Variants in LINGO2 observed in about 807,000 individuals in gnomAD.
LINGO2 encodes the protein leucine rich repeat and Ig domain containing 2, also known as leucine-rich repeat and immunoglobulin-like domain-containing nogo receptor-interacting protein 2.
In LINGO2, 14 loss-of-function variants were observed where a neutral mutation model predicts 30.6. The ratio of observed to expected loss-of-function variants is 0.46; its 90% CI spans 0.30 to 0.72. The LOEUF is 0.72. LINGO2 is among the 30% of genes least tolerant of loss of function. The pLI, the probability that LINGO2 is intolerant of heterozygous loss-of-function variation, is 0.07. For missense variants in LINGO2, 729 were observed against 751.7 expected, an observed-to-expected ratio of 0.97 and a Z score of 0.35; for synonymous variants, 317 against 288.5, an observed-to-expected ratio of 1.10 and a Z score of -1.00.
the LINGO2 span, among the ~76,000 whole-genome samples, chr9:28,873,413 T>C: frequency 2.6e-5 from 4 of 151,260 alleles, no homozygotes; most frequent in African/African-American, 4.9e-5. Flanking sequence ...AAAGAAACTA[T>C]TTCTTCTAAT....
At chr9:28,406,755 C>A (rs1434514872) in intron 2 of LINGO2, among the ~76,000 whole-genome samples, 1 of 152,020 alleles carries the variant, frequency 6.6e-6, no homozygotes, top group African/African-American at 2.4e-5. Flanking sequence ...CTTTAAGGAC[C>A]AAGTTAAATA....
At chr9:28,677,613 C>T in the LINGO2 span, among the ~76,000 whole-genome samples, 1 of 152,174 alleles carries the variant, frequency 6.6e-6, no homozygotes, top group Non-Finnish European at 1.5e-5. Flanking sequence ...TCACCTTCAA[C>T]TATACTGTCT....
intron 2 of LINGO2, among the ~76,000 whole-genome samples, chr9:28,401,560 T>G (rs1419991986): frequency 1.3e-5 from 2 of 152,180 alleles, no homozygotes; most frequent in East Asian, 3.9e-4. Context: ...GTTGGTTCCA[T>G]GTCTTTGCTA....
rs567395993 is a variant in LINGO2, at chr9:28,279,204, CTT to C, written c.-87+16002_-87+16003del. On this transcript the variant is annotated intron_variant, in intron 4 of 5. Coordinates refer to ENST00000379992, the Ensembl canonical transcript of LINGO2. ...ATGGTTTCTTGAGATAAAATCTACTCTTGGTGAACATGCTGTGAACATTGGTG... is the reference window on the plus strand; with the variant it reads ...ATGGTTTCTTGAGATAAAATCTACTCGGTGAACATGCTGTGAACATTGGTG... 2.3e-3 allele frequency among the ~76,000 whole-genome samples: 352 copies of C among 152,238 alleles called. 1 individual carries two copies. The highest frequency in any genetic ancestry group is 7.8e-3 in the African/African-American group (326 of 41,540).
chr9:28,493,061 T>C (rs1826461936), intron 1 of LINGO2, among the ~76,000 whole-genome samples: 1 of 152,178 alleles, frequency 6.6e-6, no homozygotes, highest in Non-Finnish European at 1.5e-5. Context: ...CCTAAAGGTG[T>C]GTTTCTTAAA....
chr9:29,057,286 T>C, the LINGO2 span, among the ~76,000 whole-genome samples: 3 of 152,132 alleles, frequency 2.0e-5, no homozygotes, highest in East Asian at 5.8e-4. Flanking sequence ...AAACTCTAAT[T>C]TTGATAATGT....
intron 1 of LINGO2, among the ~76,000 whole-genome samples, chr9:28,566,638 T>C (rs1421239075): frequency 6.6e-6 from 1 of 152,150 alleles, no homozygotes; most frequent in Non-Finnish European, 1.5e-5. Context: ...CAGAAGTGCC[T>C]GCAAGGGGTG....
the LINGO2 span, among the ~76,000 whole-genome samples, chr9:28,772,534 A>G: frequency 6.6e-6 from 1 of 152,220 alleles, no homozygotes; most frequent in African/African-American, 2.4e-5. Flanking sequence ...CAGTAAATGA[A>G]TGGAAAACCA....
intron 1 of LINGO2, among the ~76,000 whole-genome samples, chr9:28,512,591 GTGTATATATATATATA>G (rs1378072695): frequency 7.6e-4 from 12 of 15,832 alleles, no homozygotes; most frequent in African/African-American, 2.1e-3. Context: ...ATATATATGT[GTGTATATATATATATA>G]TATATATATA....
chr9:28,032,649 C>T (rs1391727603), intron 4 of LINGO2, among the ~76,000 whole-genome samples: 1 of 152,188 alleles, frequency 6.6e-6, no homozygotes, highest in Admixed American at 6.5e-5. Flanking sequence ...GTTCAAACAT[C>T]CTGCCCATCG....
the LINGO2 span, among the ~76,000 whole-genome samples, chr9:29,194,644 C>T: frequency 6.6e-6 from 1 of 152,160 alleles, no homozygotes; most frequent in South Asian, 2.1e-4. Flanking sequence ...ACCTCCACCC[C>T]ACTAACTATG....
chr9:28,413,616 G>T (rs1021724823), intron 2 of LINGO2, among the ~76,000 whole-genome samples: 3 of 151,982 alleles, frequency 2.0e-5, no homozygotes, highest in Non-Finnish European at 4.4e-5. Context: ...CTTGGCACAG[G>T]GTACCACAAT....
At chr9:28,054,582 C>T (rs544443636) in intron 4 of LINGO2, among the ~76,000 whole-genome samples, 3 of 152,162 alleles carry the variant, frequency 2.0e-5, no homozygotes, top group East Asian at 1.9e-4. Flanking sequence ...AGAAGAAAAA[C>T]TTACAACACT....
At chr9:29,095,430 A>T in the LINGO2 span, among the ~76,000 whole-genome samples, 3 of 136,382 alleles carry the variant, frequency 2.2e-5, no homozygotes, top group African/African-American at 8.3e-5. Flanking sequence ...GATAAGGAAA[A>T]TAATAATAAT....
chr9:28,181,792 T>A (rs1819342408), intron 4 of LINGO2, among the ~76,000 whole-genome samples: 1 of 152,108 alleles, frequency 6.6e-6, no homozygotes, highest in African/African-American at 2.4e-5. Context: ...GTGTCCTCTC[T>A]TATTTCCTCA....
the LINGO2 span, among the ~76,000 whole-genome samples, chr9:29,063,082 A>C: frequency 2.6e-5 from 4 of 152,122 alleles, no homozygotes; most frequent in Non-Finnish European, 4.4e-5. Context: ...GAAACAATTG[A>C]TAGAAATAGA....
At chr9:28,010,232 CAT>C (rs1333280254) in intron 5 of LINGO2, among the ~76,000 whole-genome samples, 4 of 152,192 alleles carry the variant, frequency 2.6e-5, no homozygotes, top group Non-Finnish European at 4.4e-5. Flanking sequence ...GTATACCTAA[CAT>C]GTGTATCTTA....
the LINGO2 span, among the ~76,000 whole-genome samples, chr9:28,809,877 G>A: frequency 3.3e-5 from 5 of 151,226 alleles, no homozygotes; most frequent in Non-Finnish European, 7.4e-5. Flanking sequence ...TTTCAGTTCC[G>A]AAAACACTAT....
chr9:28,045,628 T>A (rs1471743394), intron 4 of LINGO2, among the ~76,000 whole-genome samples: 1 of 152,190 alleles, frequency 6.6e-6, no homozygotes, highest in African/African-American at 2.4e-5. Context: ...CTTCTTACTC[T>A]TGTCATTTAA....
Sources: gnomAD v4.1 joint callset for allele counts (sites outside exome capture counted in the v4.1 genomes callset) on GRCh38, gnomAD v4.1.1 for gene constraint, MANE v1.5 for transcripts, NCBI Gene and HGNC (gene_info 2026-07-23, HGNC 2026-07-21) for gene names.